LRRC27: variants seen among roughly 807,000 people sequenced by gnomAD.
The protein encoded by LRRC27 is leucine-rich repeat-containing protein 27.
Under a neutral mutation model 55.0 loss-of-function variants are expected in LRRC27, and 57 were observed. The observed-to-expected ratio is 1.04, with a 90% CI of 0.84 to 1.29. The LOEUF (loss-of-function observed/expected upper bound fraction) is 1.29. Ranked by LOEUF, LRRC27 falls within the 50% of genes most tolerant of loss-of-function variation. The pLI, the probability that LRRC27 is intolerant of heterozygous loss-of-function variation, is 0.00. For missense variants in LRRC27, 721 were observed against 651.5 expected (o/e 1.11, Z -1.16); for synonymous variants, 278 against 251.9 (o/e 1.10, Z -0.98).
intron 5 of LRRC27, among the ~76,000 whole-genome samples, chr10:132,346,429 C>T (rs1274812609): frequency 1.3e-5 from 2 of 152,184 alleles, no homozygotes; most frequent in Non-Finnish European, 2.9e-5. Flanking sequence ...GTGATCCCAG[C>T]ACTTTGGGAG....
At chr10:132,364,793 C>CACACCCACCCACACTT (rs2068960001) in intron 9 of LRRC27, among the ~76,000 whole-genome samples, 3 of 81,116 alleles carry the variant, frequency 3.7e-5, no homozygotes, top group Non-Finnish European at 5.4e-5. Flanking sequence ...CGCCCACACT[C>CACACCCACCCACACTT]ACACCCACCC....
intron 5 of LRRC27, among the ~76,000 whole-genome samples, chr10:132,346,991 G>T (rs1207957752): frequency 2.6e-5 from 4 of 152,230 alleles, no homozygotes; most frequent in African/African-American, 9.6e-5. Flanking sequence ...GTCTCACTCA[G>T]CCTTCAGGTC....
rs1469921242 is a variant in LRRC27, at chr10:132,348,836, G to A, written c.926+480G>A. Reference sequence around the variant, plus strand: ...AGTTGGGGGAAAGGTCAGTTATGCAGAAAATAAATGGCAGCTGCCTGGGGA... The same window carrying A: ...AGTTGGGGGAAAGGTCAGTTATGCAAAAAATAAATGGCAGCTGCCTGGGGA... On this transcript the variant is annotated intron_variant, in intron 6 of 10. Transcript: ENST00000368614. The surrounding 1 kb of genome is among the most constrained non-coding windows in gnomAD (Gnocchi z 4.2). The A allele has an allele frequency of 4.5e-6, 3 of 661,546 alleles. No homozygotes were observed. The highest frequency in any genetic ancestry group is 8.0e-6 in the Non-Finnish European group (3 of 377,040). 41.0% of individuals were successfully genotyped at this position (661,546 alleles called of 1,614,324 possible).
In LRRC27 at chr10:132,375,570, ACTCACAG is replaced by A. The variant is rs1290506991; in HGVS notation, c.*331_*337del. ...GTCCTGGAGCCCTTGTTACAAAAGTACTCACAGCTTTCCTTCACTTAGTTATTTGAGT... is the reference window on the plus strand; with the variant it reads ...GTCCTGGAGCCCTTGTTACAAAAGTACTTTCCTTCACTTAGTTATTTGAGT... On this transcript the variant is annotated 3_prime_UTR_variant, in exon 11 of 11. Transcript: ENST00000368614. The A allele has an allele frequency of 3.4e-5, 7 of 204,998 alleles. No homozygotes were observed. In the South Asian group the frequency reaches 8.6e-4, roughly 25 times the overall value. 12.7% of individuals were successfully genotyped at this position (204,998 alleles called of 1,614,324 possible).
chr10:132,352,477 T>C (rs1590667765), intron 7 of LRRC27, among the ~76,000 whole-genome samples: 1 of 72,534 alleles, frequency 1.4e-5, no homozygotes, highest in East Asian at 5.2e-4. Flanking sequence ...GAGGCCTCCG[T>C]GTGGGGCAGG....
chr10:132,331,785 C>T (rs375182637), upstream of LRRC27: 9 of 1,607,368 alleles, frequency 5.6e-6, no homozygotes, highest in Non-Finnish European at 5.1e-6. Context: ...CCCTCCAGAC[C>T]CTCGCGGTCT....
chr10:132,364,617 AT>A lies in LRRC27; in HGVS notation c.1290-806del, dbSNP rs1340136784. Among the ~76,000 whole-genome samples the A allele has an allele frequency of 3.3e-4, 20 of 59,874 alleles. 3 individuals carry two copies. Among genetic ancestry groups the A allele is most frequent in the Admixed American group, 6.3e-4 (3 of 4,728 alleles). 39.3% of individuals were successfully genotyped at this position (59,874 alleles called of 152,430 possible). On this transcript the variant is annotated intron_variant, in intron 9 of 10. Coordinates refer to ENST00000368614, the MANE Select transcript of LRRC27 (RefSeq NM_030626.3). ...TCAGGCAGTCCGCGTCCACGCTTAC[AT>A]CTACCTCCACGCCCACACTTAACAC...
At chr10:132,331,936 A>ACCC (rs66639442), upstream of LRRC27, 2 of 365,634 alleles carry the variant, frequency 5.5e-6, no homozygotes, top group Non-Finnish European at 4.6e-6. Context: ...CGCAAGCGCA[A>ACCC]CCCCCCGCCC....
Position 132,348,819 on chromosome 10 carries a change from G to A in LRRC27, c.926+463G>A, listed in dbSNP as rs1590650510. On this transcript the variant is annotated intron_variant, in intron 6 of 10. Coordinates refer to ENST00000368614, the MANE Select transcript of LRRC27 (RefSeq NM_030626.3). This position sits in a 1 kb window ranked among gnomAD's most constrained non-coding sequence, Gnocchi z 4.2. ...ACCTGTGAAAAGAGAGGAGTTGGGG[G>A]AAAGGTCAGTTATGCAGAAAATAAA... The A allele has an allele frequency of 4.8e-6, 3 of 619,508 alleles. No homozygotes were observed. In the East Asian group the frequency reaches 8.3e-5, roughly 17 times the overall value. 38.4% of individuals were successfully genotyped at this position (619,508 alleles called of 1,614,324 possible). A position where few individuals can be genotyped will look rare whatever the true frequency, so the allele number is the denominator to read the frequency against.
intron 8 of LRRC27, 97 bp from the exon 9 acceptor site, chr10:132,361,360 G>T: frequency 3.8e-6 from 4 of 1,050,778 alleles, no homozygotes; most frequent in Non-Finnish European, 5.9e-6. Context: ...CCACCTCTTC[G>T]TGGACGAGGA....
intron 9 of LRRC27, among the ~76,000 whole-genome samples, chr10:132,364,501 ACATCTACCTCCACACTCG>A (rs1226398756): frequency 0.13 from 199 of 1,486 alleles, 8 homozygotes; most frequent in East Asian, 0.23. Flanking sequence ...ACCCACCCTT[ACATCTACCTCCACACTCG>A]CACTTACACC....
intron 10 of LRRC27, chr10:132,367,077 T>TA: frequency 2.2e-6 from 2 of 916,576 alleles, no homozygotes; most frequent in South Asian, 5.9e-5. Context: ...ATCTGTGTCT[T>TA]AACCCATCAC....
At chr10:132,342,914 CAG>C (rs1402923105) in intron 4 of LRRC27, among the ~76,000 whole-genome samples, 1 of 152,132 alleles carries the variant, frequency 6.6e-6, no homozygotes, top group Non-Finnish European at 1.5e-5. Context: ...AGTATAAAAA[CAG>C]ACATGTATAC....
chr10:132,352,668 A>G (rs2068105136), intron 7 of LRRC27, among the ~76,000 whole-genome samples: 1 of 135,376 alleles, frequency 7.4e-6, no homozygotes, highest in Non-Finnish European at 1.6e-5. Flanking sequence ...CGTGTGGGGC[A>G]GGCGCTGAGG....
chr10:132,344,568 G>A lies in LRRC27; in HGVS notation c.471G>A (p.Val157=), dbSNP rs746456287. 8 of 1,614,048 alleles carry A rather than the reference G, an allele frequency of 5.0e-6. No homozygotes were observed. In the African/African-American group the frequency reaches 1.1e-4, roughly 22 times the overall value. Residue 157 remains valine, a synonymous_variant, in exon 5 of 11, where the codon GTG becomes GTA. Transcript: ENST00000368614. ...CPLEFPPQLV[V]QKGLVAIQRF... is the part of the protein sequence containing the mutation. ...TGGAATTCCCTCCTCAGCTCGTTGT[G>A]CAGAAGGGATTGGTGGCTATCCAGC...
At chr10:132,364,265 G>C (rs540157153) in intron 9 of LRRC27, among the ~76,000 whole-genome samples, 8 of 148,898 alleles carry the variant, frequency 5.4e-5, no homozygotes, top group East Asian at 4.0e-4. Flanking sequence ...GAGTGAGACT[G>C]TGTGCCATTG....
upstream of LRRC27, among the ~76,000 whole-genome samples, chr10:132,331,261 T>G (rs1369774859): frequency 6.8e-6 from 1 of 147,784 alleles, no homozygotes; most frequent in Non-Finnish European, 1.5e-5. Context: ...ACTGTCCGGG[T>G]TTCCAGAGTG....
At chr10:132,357,292 T>C (rs2068352595) in intron 8 of LRRC27, among the ~76,000 whole-genome samples, 1 of 152,160 alleles carries the variant, frequency 6.6e-6, no homozygotes, top group Non-Finnish European at 1.5e-5. Context: ...TTTCCTAATT[T>C]CCCCAATATG....
In LRRC27 at chr10:132,365,592, T is replaced by C. The variant is rs767235681; in HGVS notation, c.1416+42T>C. 76 of 1,592,158 alleles carry C rather than the reference T, an allele frequency of 4.8e-5. 1 individual carries two copies. In the South Asian group the frequency reaches 7.8e-4, roughly 16 times the overall value. On this transcript the variant is annotated intron_variant, in intron 10 of 10. Transcript: ENST00000368614. Reference sequence around the variant, plus strand: ...TCTGTTTAAAAAAGTGTGGGGTGTTTTTTGTTTTGTTTTGTTTTTGTTTTT... The same window carrying C: ...TCTGTTTAAAAAAGTGTGGGGTGTTCTTTGTTTTGTTTTGTTTTTGTTTTT...
Sources: gnomAD v4.1 joint callset for allele counts (sites outside exome capture counted in the v4.1 genomes callset) on GRCh38, gnomAD v4.1.1 for gene constraint, Gnocchi (gnomAD v3.1) non-coding constraint, MANE v1.5 for transcripts, NCBI Gene and HGNC (gene_info 2026-07-23, HGNC 2026-07-21) for gene names.